The following NEURL4 variants were observed in gnomAD, a reference collection of about 807,000 sequenced individuals.
NEURL4 encodes neuralized-like protein 4.
A neutral mutation model predicts 148.0 loss-of-function variants in NEURL4; 45 were observed. That is an observed-to-expected ratio of 0.30 (90% CI 0.24 to 0.39). The LOEUF is 0.39. Among genes scored for constraint, NEURL4 ranks in the 10% least tolerant of loss-of-function variants. The probability of loss-of-function intolerance (pLI) is 1.00; values close to 1 mark genes in which losing one functional copy is unlikely to be tolerated. For missense variants in NEURL4, 1,776 were observed against 2,144.0 expected, an observed-to-expected ratio of 0.83 and a Z score of 3.39; for synonymous variants, 854 against 869.0, an observed-to-expected ratio of 0.98 and a Z score of 0.30.
intron 14 of NEURL4, among the ~76,000 whole-genome samples, 177 bp downstream of exon 14, chr17:7,323,308 G>A (rs998664873): frequency 7.9e-5 from 12 of 152,308 alleles, no homozygotes; most frequent in Admixed American, 4.6e-4. Flanking sequence ...TGCCTAAGAT[G>A]AAGGAGGACT....
At chr17:7,328,883 T>G (rs1292754334) in intron 1 of NEURL4, 148 bp downstream of exon 1, 8 of 662,840 alleles carry the variant, frequency 1.2e-5, no homozygotes, top group Non-Finnish European at 1.9e-5. Flanking sequence ...CTTCATGCTG[T>G]CTTCCTGACC....
intron 26 of NEURL4, 84 bp from the exon 27 acceptor site, chr17:7,317,657 G>A (rs933163783): frequency 1.3e-6 from 2 of 1,562,636 alleles, no homozygotes; most frequent in African/African-American, 1.4e-5. Context: ...TCCTTAGACA[G>A]GAAGTCCCTG....
In NEURL4 at chr17:7,322,007, G is replaced by A. The variant is rs565505132; in HGVS notation, c.2729C>T (p.Ala910Val). 8 of 1,605,726 alleles carry A rather than the reference G, an allele frequency of 5.0e-6. No individual in the cohort carries two copies. Among genetic ancestry groups the A allele is most frequent in the Non-Finnish European group, 6.8e-6 (8 of 1,176,820 alleles). Reference protein sequence around the residue: ...EKSFPLHSPVAGVAHRFHSTC... With the variant: ...EKSFPLHSPVVGVAHRFHSTC... ...ACTGTGGAATCGGTGAGCCACGCCA[G>A]CCACTGTGAAGAGATGGCACCAGTA... Residue 910 changes from alanine (A) to valine (V), a missense_variant, in exon 17 of 29, where the codon GCT (alanine) becomes GTT (valine). Ala to Val is a moderately conservative substitution (Grantham distance 64). Transcript: ENST00000399464. The surrounding 1 kb of genome is among the most constrained non-coding windows in gnomAD (Gnocchi z 5.5).
Position 7,318,214 on chromosome 17 carries a change from A to G in NEURL4, c.3953-42T>C, listed in dbSNP as rs1478414758. On this transcript the variant is annotated intron_variant, in intron 24 of 28. Transcript: ENST00000399464. This position sits in a 1 kb window ranked among gnomAD's most constrained non-coding sequence, Gnocchi z 4.3. Reference sequence around the variant, plus strand: ...GCACAGGTCACAGGAGCTGGGCTAGAAGGGTGAGGGTGGGGGAGTAGGGGC... The same window carrying G: ...GCACAGGTCACAGGAGCTGGGCTAGGAGGGTGAGGGTGGGGGAGTAGGGGC... 6.2e-7 allele frequency: 1 copy of G among 1,611,872 alleles called. No homozygotes were observed.
chr17:7,328,866 G>C (rs981520922), intron 1 of NEURL4, among the ~76,000 whole-genome samples, 165 bp downstream of exon 1: 1 of 151,892 alleles, frequency 6.6e-6, no homozygotes, highest in Non-Finnish European at 1.5e-5. Context: ...CAAACTCAAT[G>C]TTTCTGCTTC....
Position 7,327,471 on chromosome 17 carries a change from G to C in NEURL4, c.696C>G (p.Ala232=). 2 of 1,570,214 alleles carry C rather than the reference G, an allele frequency of 1.3e-6. No homozygotes were observed. The highest frequency in any genetic ancestry group is 1.2e-5 in the South Asian group (1 of 83,570). Residue 232 remains alanine (A), a synonymous_variant, in exon 2 of 29, where the codon GCC becomes GCG. Coordinates refer to ENST00000399464, the MANE Select transcript of NEURL4 (RefSeq NM_032442.3). The surrounding 1 kb of genome is among the most constrained non-coding windows in gnomAD (Gnocchi z 6.6). ...CTGCAGAGGTCCCCTGTTCAGCCAA[G>C]GCAGAGTCTTCAGTGGGGGCCAAGG... ...LEPLAPTEDS[A]LAEQGTSADE...
At position 7,321,647 on chromosome 17, in the gene NEURL4, C is replaced by G; in HGVS notation, c.3012G>C (p.Lys1004Asn). ...LPPSLPELRTKTTWMVSSCEV... is the reference protein window; with the variant it reads ...LPPSLPELRTNTTWMVSSCEV... ...CACAGCTGGATACCATCCAAGTGGTCTTCGTCCGGAGCTCTGGCAGGGAAG... is the reference window on the plus strand; with the variant it reads ...CACAGCTGGATACCATCCAAGTGGTGTTCGTCCGGAGCTCTGGCAGGGAAG... Residue 1004 changes from lysine (K) to asparagine (N), a missense_variant, in exon 18 of 29, where the codon AAG becomes AAC. Transcript: ENST00000399464. The surrounding 1 kb of genome is among the most constrained non-coding windows in gnomAD (Gnocchi z 6.3). The G allele has an allele frequency of 1.2e-6, 2 of 1,614,018 alleles. No individual in the cohort carries two copies. The highest frequency in any genetic ancestry group is 1.7e-6 in the Non-Finnish European group (2 of 1,180,042).
intron 14 of NEURL4, 94 bp from the exon 15 acceptor site, chr17:7,323,217 T>A: frequency 7.3e-7 from 1 of 1,369,004 alleles, no homozygotes; most frequent in South Asian, 1.3e-5. Context: ...CTCCAATGTC[T>A]TGGGCTGGTG....
At position 7,322,650 on chromosome 17, in the gene NEURL4, C is replaced by G; in HGVS notation, c.2725+85G>C. 2.6e-6 allele frequency: 4 copies of G among 1,537,840 alleles called. No homozygotes were observed. The highest frequency in any genetic ancestry group is 3.5e-6 in the Non-Finnish European group (4 of 1,136,602). Reference sequence around the variant, plus strand: ...CAGCTACCCCAGCCAACCGTCTTTGCAGAACCTCTCTAACCTGGAAACCCT... The same window carrying G: ...CAGCTACCCCAGCCAACCGTCTTTGGAGAACCTCTCTAACCTGGAAACCCT... On this transcript the variant is annotated intron_variant, in intron 16 of 28. Transcript: ENST00000399464. This position sits in a 1 kb window ranked among gnomAD's most constrained non-coding sequence, Gnocchi z 5.5.
Position 7,321,187 on chromosome 17 carries a change from G to C in NEURL4, c.3285C>G (p.Thr1095=). The C allele has an allele frequency of 6.2e-7, 1 of 1,613,842 alleles. No homozygotes were observed. ...SSTRLEESEG[T]QPPSPSSDTG... ...TGTCTGAACTGGGGGAAGGAGGCTGGGTGCCTTCTGACTCCTCCAGTCTCG... is the reference window on the plus strand; with the variant it reads ...TGTCTGAACTGGGGGAAGGAGGCTGCGTGCCTTCTGACTCCTCCAGTCTCG... Residue 1095 remains threonine, a synonymous_variant, in exon 20 of 29, where the codon ACC becomes ACG. Transcript: ENST00000399464. This position sits in a 1 kb window ranked among gnomAD's most constrained non-coding sequence, Gnocchi z 6.3.
At chr17:7,320,508 C>G (rs9911868) in intron 21 of NEURL4, among the ~76,000 whole-genome samples, 1,683 of 152,218 alleles carry the variant, frequency 0.011, 26 homozygotes, top group African/African-American at 0.038. Context: ...CCTCTCTGCT[C>G]CCACATATAG....
intron 21 of NEURL4, 33 bp downstream of exon 21, chr17:7,320,726 G>T (rs372767128): frequency 1.9e-6 from 3 of 1,595,106 alleles, no homozygotes; most frequent in South Asian, 1.1e-5. Flanking sequence ...ACTGTGGAGC[G>T]AGAGAAGCTG....
In NEURL4 at chr17:7,323,133, T is replaced by C. The variant is rs997976139; in HGVS notation, c.2418-10A>G. The C allele has an allele frequency of 1.2e-6, 2 of 1,606,938 alleles. No individual in the cohort carries two copies. The highest frequency in any genetic ancestry group is 1.7e-5 in the Admixed American group (1 of 59,862). On this transcript the variant is annotated splice_polypyrimidine_tract_variant and intron_variant, in intron 14 of 28. Coordinates refer to ENST00000399464, the MANE Select transcript of NEURL4 (RefSeq NM_032442.3). ...CATGATGGCTGTACCACTGGGGGGA[T>C]GGCAGAAGGGGTGAGTCAGCCTGCC...
chr17:7,325,540 G>A (rs2073093254), intron 7 of NEURL4, 67 bp from the exon 8 acceptor site: 6 of 1,591,386 alleles, frequency 3.8e-6, no homozygotes, highest in Non-Finnish European at 5.2e-6. Context: ...TCAAACACAG[G>A]GAGGCCAAGC....
intron 1 of NEURL4, 71 bp downstream of exon 1, chr17:7,328,960 T>TCCTA (rs2073137957): frequency 1.4e-6 from 2 of 1,413,938 alleles, no homozygotes; most frequent in Non-Finnish European, 1.9e-6. Flanking sequence ...ACCCTGGCTG[T>TCCTA]CCTACCCCGT....
intron 8 of NEURL4, 37 bp from the exon 9 acceptor site, chr17:7,325,017 AC>A: frequency 1.2e-6 from 2 of 1,608,458 alleles, no homozygotes; most frequent in Non-Finnish European, 1.7e-6. Context: ...GATCCCCAAC[AC>A]ACGCTCTCAA....
chr17:7,316,367 C>G (rs747919781), intron 28 of NEURL4, 40 bp from the exon 29 acceptor site: 23 of 1,505,348 alleles, frequency 1.5e-5, no homozygotes, highest in Non-Finnish European at 1.8e-6. Flanking sequence ...AGCCTCTCGC[C>G]CCATCACCTC....
intron 21 of NEURL4, among the ~76,000 whole-genome samples, chr17:7,319,649 G>A (rs1158457476): frequency 2.1e-5 from 3 of 145,340 alleles, no homozygotes; most frequent in Admixed American, 1.4e-4. Context: ...GCGGTGAGCC[G>A]AGATCATACC....
rs1567621676 is a variant in NEURL4, at chr17:7,324,085, C to CCCCAG, written c.2062+18_2062+22dup. 3 of 1,610,700 alleles carry CCCCAG rather than the reference C, an allele frequency of 1.9e-6. No individual in the cohort carries two copies. The highest frequency in any genetic ancestry group is 1.7e-5 in the Admixed American group (1 of 59,974). On this transcript the variant is annotated intron_variant, in intron 11 of 28. Transcript: ENST00000399464. This position sits in a 1 kb window ranked among gnomAD's most constrained non-coding sequence, Gnocchi z 5.9. ...CTCCCAAGGCCACCCTAACCCCCAGCCCCAGCCCAGCCCGGCCCTCACCCA... is the reference window on the plus strand; with the variant it reads ...CTCCCAAGGCCACCCTAACCCCCAGCCCCAGCCCAGCCCAGCCCGGCCCTCACCCA...
Sources: allele counts gnomAD v4.1 joint callset (sites outside exome capture counted in the v4.1 genomes callset), GRCh38; gene constraint gnomAD v4.1.1; non-coding constraint Gnocchi (gnomAD v3.1); transcripts MANE v1.5; gene names NCBI Gene and HGNC (gene_info 2026-07-23, HGNC 2026-07-21).